The following TNR variants were observed in gnomAD, a reference collection of about 807,000 sequenced individuals.
TNR encodes the protein tenascin R, also known as tenascin-R.
Under a neutral mutation model 150.4 loss-of-function variants are expected in TNR, and 45 were observed. That is an observed-to-expected ratio of 0.30 (90% CI 0.24 to 0.38). The LOEUF is 0.38. Among genes scored for constraint, TNR ranks in the 10% least tolerant of loss-of-function variants. The probability of loss-of-function intolerance (pLI) is 1.00; values close to 1 mark genes in which losing one functional copy is unlikely to be tolerated. For synonymous variants in TNR, 687 were observed against 678.4 expected, an observed-to-expected ratio of 1.01 and a Z score of -0.20; for missense variants, 1,544 against 1,759.1, an observed-to-expected ratio of 0.88 and a Z score of 2.19.
At chr1:175,721,400 G>A (rs1217730520) in intron 1 of TNR, among the ~76,000 whole-genome samples, 1 of 152,160 alleles carries the variant, frequency 6.6e-6, no homozygotes, top group Non-Finnish European at 1.5e-5. Flanking sequence ...CAACAAATAT[G>A]TGTGGGCATG....
chr1:175,655,061 C>T (rs1182666108), intron 1 of TNR, among the ~76,000 whole-genome samples: 1 of 152,124 alleles, frequency 6.6e-6, no homozygotes, highest in Non-Finnish European at 1.5e-5. Context: ...ATCTCTTCCT[C>T]CTTTGACTCC....
chr1:175,634,320 C>A (rs1664426722), intron 1 of TNR, among the ~76,000 whole-genome samples: 1 of 152,194 alleles, frequency 6.6e-6, no homozygotes, highest in Admixed American at 6.5e-5. Flanking sequence ...TCCATTTCAT[C>A]CAGCCAGCTG....
intron 18 of TNR, among the ~76,000 whole-genome samples, 174 bp downstream of exon 18, chr1:175,354,217 G>A (rs1026281122): frequency 7.9e-5 from 12 of 152,194 alleles, no homozygotes; most frequent in African/African-American, 2.7e-4. Flanking sequence ...TGGTTCCTGC[G>A]GTTACCTTGT....
intron 1 of TNR, among the ~76,000 whole-genome samples, chr1:175,704,646 G>A (rs1471152350): frequency 6.6e-6 from 1 of 152,200 alleles, no homozygotes; most frequent in African/African-American, 2.4e-5. Context: ...TGATGCAGAA[G>A]GAGAAGAAAG....
chr1:175,324,027 A>G (rs1034407792), intron 22 of TNR, among the ~76,000 whole-genome samples: 1 of 152,024 alleles, frequency 6.6e-6, no homozygotes, highest in African/African-American at 2.4e-5. Context: ...TCACACTGGT[A>G]TTTTCGATGT....
chr1:175,363,416 C>A (rs962928792), intron 13 of TNR, among the ~76,000 whole-genome samples: 2 of 152,198 alleles, frequency 1.3e-5, no homozygotes, highest in South Asian at 2.1e-4. Flanking sequence ...AAGCTCTTGG[C>A]AGATTCTTTT....
intron 8 of TNR, among the ~76,000 whole-genome samples, chr1:175,380,971 C>T (rs914706559): frequency 6.6e-6 from 1 of 152,288 alleles, no homozygotes; most frequent in South Asian, 2.1e-4. Context: ...TCAATGTGAG[C>T]GCAGAGGCTT....
chr1:175,685,937 G>T (rs1666183713), intron 1 of TNR, among the ~76,000 whole-genome samples: 1 of 151,404 alleles, frequency 6.6e-6, no homozygotes, highest in Non-Finnish European at 1.5e-5. Context: ...TGAGAGAAGT[G>T]GCCTTAAACA....
chr1:175,730,299 C>T (rs1051504444), intron 1 of TNR, among the ~76,000 whole-genome samples: 1 of 152,204 alleles, frequency 6.6e-6, no homozygotes, highest in Admixed American at 6.5e-5. Flanking sequence ...CTGCCATCTC[C>T]TTTGTGGAAC....
At chr1:175,551,310 G>A (rs755515031) in intron 1 of TNR, among the ~76,000 whole-genome samples, 31 of 152,162 alleles carry the variant, frequency 2.0e-4, no homozygotes, top group Non-Finnish European at 3.1e-4. Context: ...TCAAGTGTGA[G>A]GGAGGGATAA....
At chr1:175,459,188 A>G (rs1030238325) in intron 2 of TNR, among the ~76,000 whole-genome samples, 1 of 150,738 alleles carries the variant, frequency 6.6e-6, no homozygotes. Flanking sequence ...CCCCATTGCC[A>G]TTATCACCAC....
intron 3 of TNR, among the ~76,000 whole-genome samples, chr1:175,405,461 G>A (rs1177010840): frequency 1.3e-5 from 2 of 152,184 alleles, no homozygotes; most frequent in Admixed American, 1.3e-4. Context: ...GAGAGGTAAA[G>A]GTAACTCACA....
At chr1:175,589,738 A>G (rs1662720554) in intron 1 of TNR, among the ~76,000 whole-genome samples, 1 of 152,180 alleles carries the variant, frequency 6.6e-6, no homozygotes, top group East Asian at 1.9e-4. Context: ...TCAGCAAACT[A>G]ACACCAGAAC....
intron 1 of TNR, among the ~76,000 whole-genome samples, chr1:175,657,879 A>ATATATATATG (rs1257413429): frequency 9.9e-5 from 12 of 121,112 alleles, no homozygotes; most frequent in African/African-American, 3.6e-4. Flanking sequence ...ATATATATAT[A>ATATATATATG]TATATGTAAC....
rs2101885552 is a variant in TNR at position 175,647,037 on chromosome 1, C to G, written c.-165+96189G>C. 2.6e-5 allele frequency among the ~76,000 whole-genome samples: 4 copies of G among 152,338 alleles called. No homozygotes were observed. The South Asian group carries it at 8.3e-4, about 32-fold the overall frequency. ...TGGGGCAGGCACCAGCAGAGGCCAG[C>G]CCTGAAATAGGACAGAGGAGTTCGG... On this transcript the variant is annotated intron_variant, in intron 1 of 22. Coordinates refer to ENST00000367674, the MANE Select transcript of TNR (RefSeq NM_003285.3).
intron 21 of TNR, among the ~76,000 whole-genome samples, chr1:175,328,312 A>T (rs1469517492): frequency 1.3e-5 from 2 of 152,216 alleles, no homozygotes; most frequent in Admixed American, 1.3e-4. Flanking sequence ...TGTAATTTTC[A>T]GTTCTGATCC....
chr1:175,418,530 T>A (rs1654608949), intron 2 of TNR, among the ~76,000 whole-genome samples: 1 of 152,216 alleles, frequency 6.6e-6, no homozygotes, highest in African/African-American at 2.4e-5. Flanking sequence ...GAGACCATTC[T>A]GGCCAACATG....
intron 1 of TNR, among the ~76,000 whole-genome samples, chr1:175,578,007 A>C (rs1194904613): frequency 6.6e-6 from 1 of 152,156 alleles, no homozygotes; most frequent in Non-Finnish European, 1.5e-5. Flanking sequence ...ATTGCTTTGA[A>C]AAGTTGTTGA....
At chr1:175,490,326 G>A (rs1275241262) in intron 2 of TNR, among the ~76,000 whole-genome samples, 2 of 152,182 alleles carry the variant, frequency 1.3e-5, no homozygotes, top group Non-Finnish European at 2.9e-5. Flanking sequence ...AAGATTCCAT[G>A]ATGAAAATGC....
Sources: gnomAD v4.1 joint callset for allele counts (sites outside exome capture counted in the v4.1 genomes callset) on GRCh38, gnomAD v4.1.1 for gene constraint, MANE v1.5 for transcripts, NCBI Gene and HGNC (gene_info 2026-07-23, HGNC 2026-07-21) for gene names.